GRIA4: variants seen among roughly 807,000 people sequenced by gnomAD.
GRIA4 encodes glutamate receptor 4.
Under a neutral mutation model 104.0 loss-of-function variants are expected in GRIA4, and 34 were observed. That is an observed-to-expected ratio of 0.33 (90% confidence interval 0.25 to 0.44). GRIA4 has a LOEUF of 0.44. GRIA4 is among the 20% of genes least tolerant of loss of function. The pLI is 1.00. For missense variants in GRIA4, 750 were observed against 1,096.5 expected (o/e 0.68, Z 4.46); for synonymous variants, 386 against 381.9 (o/e 1.01, Z -0.13).
chr11:105,839,593 G>A (rs905604165), intron 4 of GRIA4, among the ~76,000 whole-genome samples: 8 of 151,506 alleles, frequency 5.3e-5, no homozygotes. Flanking sequence ...TAATTTCTGA[G>A]AATTAATGGA....
chr11:105,850,794 C>T (rs1413739856), intron 4 of GRIA4, among the ~76,000 whole-genome samples: 5 of 152,142 alleles, frequency 3.3e-5, no homozygotes, highest in Non-Finnish European at 7.4e-5. Flanking sequence ...ATGTAAAGAG[C>T]AGAAGCCACC....
chr11:105,962,445 T>C (rs1404313958), intron 14 of GRIA4, among the ~76,000 whole-genome samples: 1 of 152,198 alleles, frequency 6.6e-6, no homozygotes, highest in Admixed American at 6.5e-5. Context: ...AAAATTCTCA[T>C]TAACAAAAGT....
intron 10 of GRIA4, 117 bp downstream of exon 10, chr11:105,910,662 C>T: frequency 1.6e-6 from 1 of 620,910 alleles, no homozygotes; most frequent in African/African-American, 1.8e-5. Context: ...CATGGGTGTT[C>T]TGATCCACAA....
chr11:105,619,488 G>A (rs898913868), intron 3 of GRIA4, among the ~76,000 whole-genome samples: 29 of 151,186 alleles, frequency 1.9e-4, no homozygotes, highest in East Asian at 5.8e-4. Context: ...TTGATATTTC[G>A]TAGAAAATTT....
At position 105,963,358 on chromosome 11, in the gene GRIA4, A is replaced by C. The variant is rs932042906; in HGVS notation, c.2295-8556A>C. ...TTAAAGTTTAAATAGCATTCTAAGG[A>C]GCCCTTTAGACCTAAACTTATTATG... On this transcript the variant is annotated intron_variant, in intron 14 of 16. Transcript: ENST00000282499. Among the ~76,000 whole-genome samples the C allele has an allele frequency of 2.0e-5, 3 of 152,106 alleles. No homozygotes were observed. The South Asian group carries it at 6.2e-4, about 31-fold the overall frequency.
chr11:105,685,170 GGAGGGAGGGAGA>G (rs1454173729), intron 3 of GRIA4, among the ~76,000 whole-genome samples: 1 of 146,818 alleles, frequency 6.8e-6, no homozygotes, highest in Admixed American at 6.8e-5. Context: ...AGGAAGGGAG[GGAGGGAGGGAGA>G]GAGGGAGGGA....
intron 3 of GRIA4, among the ~76,000 whole-genome samples, chr11:105,746,943 T>C (rs1939695723): frequency 6.6e-6 from 1 of 152,014 alleles, no homozygotes; most frequent in East Asian, 1.9e-4. Flanking sequence ...ACAGCATCAG[T>C]GAGAAAGTAG....
intron 7 of GRIA4, among the ~76,000 whole-genome samples, chr11:105,901,585 T>C (rs1228411392): frequency 6.6e-6 from 1 of 152,192 alleles, no homozygotes; most frequent in Non-Finnish European, 1.5e-5. Context: ...AAAAGAATTA[T>C]ATCTTTTGAA....
chr11:105,632,444 T>G (rs1032216561), intron 3 of GRIA4, among the ~76,000 whole-genome samples: 1 of 152,214 alleles, frequency 6.6e-6, no homozygotes, highest in Non-Finnish European at 1.5e-5. Context: ...AAATTGGCTC[T>G]CTGGTGTAGA....
intron 3 of GRIA4, among the ~76,000 whole-genome samples, chr11:105,709,714 G>A (rs1953842617): frequency 6.6e-6 from 1 of 152,112 alleles, no homozygotes; most frequent in African/African-American, 2.4e-5. Flanking sequence ...AGGCAGACAG[G>A]AAGAGAGGGA....
intron 3 of GRIA4, among the ~76,000 whole-genome samples, chr11:105,713,287 G>A (rs1358707509): frequency 6.6e-6 from 1 of 151,962 alleles, no homozygotes; most frequent in East Asian, 1.9e-4. Context: ...GGACGCTGAG[G>A]CAGGAAATGA....
intron 15 of GRIA4, 66 bp downstream of exon 15, chr11:105,972,094 A>G (rs1858725590): frequency 1.1e-6 from 1 of 921,270 alleles, no homozygotes; most frequent in Non-Finnish European, 1.8e-6. Flanking sequence ...CAATTGTCAA[A>G]AGTATATGGA....
rs546097428 is a variant in GRIA4 at position 105,652,105 on chromosome 11, G to A, written c.247+39671G>A. 2.0e-5 allele frequency among the ~76,000 whole-genome samples: 3 copies of A among 152,178 alleles called. No homozygotes were observed. The South Asian group carries it at 6.2e-4, about 32-fold the overall frequency. Reference sequence around the variant, plus strand: ...TGAAAAACCCTTATGCCTATAGAAAGGGATTGAAATTTACTGATATTTTAT... The same window carrying A: ...TGAAAAACCCTTATGCCTATAGAAAAGGATTGAAATTTACTGATATTTTAT... On this transcript the variant is annotated intron_variant, in intron 3 of 16. Transcript: ENST00000282499.
At chr11:105,685,945 A>G (rs1952866987) in intron 3 of GRIA4, among the ~76,000 whole-genome samples, 1 of 152,200 alleles carries the variant, frequency 6.6e-6, no homozygotes, top group African/African-American at 2.4e-5. Context: ...AAAAAAAAGA[A>G]TAAGGCAAGG....
At chr11:105,624,372 T>G (rs1436141975) in intron 3 of GRIA4, among the ~76,000 whole-genome samples, 2 of 152,072 alleles carry the variant, frequency 1.3e-5, no homozygotes, top group African/African-American at 4.8e-5. Context: ...GAAGCCCAGG[T>G]GAACTAGCAA....
Position 105,634,519 on chromosome 11 carries a change from AG to A in GRIA4, c.247+22086del, listed in dbSNP as rs1448517146. Among the ~76,000 whole-genome samples the A allele has an allele frequency of 8.6e-5, 5 of 58,420 alleles. No individual in the cohort carries two copies. The East Asian group carries it at 2.4e-3, about 28-fold the overall frequency. 38.3% of individuals were successfully genotyped at this position (58,420 alleles called of 152,430 possible). The stretch of plus-strand genomic sequence containing the variant: ...AAAGAAAGAAAGAAAGAAAGAAGAA[AG>A]AAAGAAAGAAAAGAAAGAAAAAGAA... On this transcript the variant is annotated intron_variant, in intron 3 of 16. Coordinates refer to ENST00000282499, the MANE Select transcript of GRIA4 (RefSeq NM_000829.4).
chr11:105,937,097 C>T (rs1485470719), intron 14 of GRIA4, among the ~76,000 whole-genome samples: 1 of 152,104 alleles, frequency 6.6e-6, no homozygotes, highest in Non-Finnish European at 1.5e-5. Flanking sequence ...TTTCTCCTCC[C>T]TTTCCCAGTC....
At chr11:105,733,298 G>A (rs925199643) in intron 3 of GRIA4, among the ~76,000 whole-genome samples, 12 of 152,180 alleles carry the variant, frequency 7.9e-5, no homozygotes, top group Non-Finnish European at 1.5e-5. Flanking sequence ...ATAGAAGTCA[G>A]TAGGCCATAT....
At chr11:105,796,682 A>T (rs4556513) in intron 4 of GRIA4, among the ~76,000 whole-genome samples, 21 of 152,080 alleles carry the variant, frequency 1.4e-4, no homozygotes, top group Non-Finnish European at 2.2e-4. Context: ...TTAAGAAAGA[A>T]AAGTTATCGT....
Sources: allele counts gnomAD v4.1 joint callset (sites outside exome capture counted in the v4.1 genomes callset), GRCh38; gene constraint gnomAD v4.1.1; transcripts MANE v1.5; gene names NCBI Gene and HGNC (gene_info 2026-07-23, HGNC 2026-07-21).